The following KCNIP4 variants were observed in gnomAD, a reference collection of about 807,000 sequenced individuals.
The protein encoded by KCNIP4 is Kv channel-interacting protein 4.
A neutral mutation model predicts 34.0 loss-of-function variants in KCNIP4; 12 were observed. That is an observed-to-expected ratio of 0.35 (90% CI 0.23 to 0.57). The LOEUF is 0.57. Among genes scored for constraint, KCNIP4 ranks in the 20% least tolerant of loss-of-function variants. The pLI is 0.83. For missense variants in KCNIP4, 238 were observed against 311.7 expected (o/e 0.76, Z 1.78); for synonymous variants, 124 against 102.2 (o/e 1.21, Z -1.29).
At chr4:21,859,596 T>A (rs55738337) in intron 1 of KCNIP4, among the ~76,000 whole-genome samples, 63 of 150,756 alleles carry the variant, frequency 4.2e-4, no homozygotes, top group South Asian at 2.6e-3. Flanking sequence ...CCACTGCACT[T>A]CAGCCTGGGC....
intron 1 of KCNIP4, among the ~76,000 whole-genome samples, chr4:21,400,569 TCTTCTCTTC>T (rs879405449): frequency 0.034 from 3,302 of 97,880 alleles, 105 homozygotes; most frequent in Middle Eastern, 0.048. Flanking sequence ...TCTTCTCTTC[TCTTCTCTTC>T]GTTCTTTCTT....
chr4:21,674,345 T>C (rs1013935695), intron 1 of KCNIP4, among the ~76,000 whole-genome samples: 10 of 152,190 alleles, frequency 6.6e-5, no homozygotes, highest in Non-Finnish European at 1.3e-4. Flanking sequence ...TCTCTACGTC[T>C]AATCCAAATA....
chr4:21,723,769 A>G (rs948749439), intron 1 of KCNIP4, among the ~76,000 whole-genome samples: 1 of 152,108 alleles, frequency 6.6e-6, no homozygotes, highest in Non-Finnish European at 1.5e-5. Flanking sequence ...TGATATAATA[A>G]ATTTCTCAGG....
At chr4:21,699,808 C>T (rs1321220595) in intron 1 of KCNIP4, among the ~76,000 whole-genome samples, 1 of 152,060 alleles carries the variant, frequency 6.6e-6, no homozygotes, top group Admixed American at 6.6e-5. Flanking sequence ...CAGAAAGCCA[C>T]TCTAGGGAAT....
At chr4:20,956,046 T>C (rs1171134454) in intron 1 of KCNIP4, among the ~76,000 whole-genome samples, 10 of 152,348 alleles carry the variant, frequency 6.6e-5, no homozygotes, top group Admixed American at 2.0e-4. Flanking sequence ...CGCCTATCAC[T>C]TCACACCTAT....
intron 1 of KCNIP4, among the ~76,000 whole-genome samples, chr4:21,498,475 G>A (rs1003634311): frequency 8.6e-5 from 13 of 152,046 alleles, no homozygotes; most frequent in Admixed American, 3.3e-4. Context: ...TATTTTTATT[G>A]AGCCAGAGAA....
intron 1 of KCNIP4, among the ~76,000 whole-genome samples, chr4:21,264,088 T>C (rs1056009382): frequency 2.6e-5 from 4 of 152,172 alleles, no homozygotes; most frequent in African/African-American, 4.8e-5. Context: ...GCTCATGTTC[T>C]TAAACCTCAT....
intron 1 of KCNIP4, among the ~76,000 whole-genome samples, chr4:21,042,028 A>G (rs919647272): frequency 6.6e-6 from 1 of 152,220 alleles, no homozygotes; most frequent in African/African-American, 2.4e-5. Flanking sequence ...GCAAGCAGCC[A>G]GCACAATGCT....
At chr4:21,792,299 A>G (rs1720347389) in intron 1 of KCNIP4, among the ~76,000 whole-genome samples, 1 of 151,976 alleles carries the variant, frequency 6.6e-6, no homozygotes, top group Non-Finnish European at 1.5e-5. Context: ...CAAAATACTA[A>G]CCCAGAACTT....
At chr4:20,881,047 C>G (rs1202405549) in intron 2 of KCNIP4, among the ~76,000 whole-genome samples, 2 of 152,150 alleles carry the variant, frequency 1.3e-5, no homozygotes, top group African/African-American at 4.8e-5. Context: ...GAAGAGCTTT[C>G]TTTGTTTTGT....
At chr4:21,431,024 G>A (rs1726395833) in intron 1 of KCNIP4, among the ~76,000 whole-genome samples, 1 of 152,008 alleles carries the variant, frequency 6.6e-6, no homozygotes, top group Non-Finnish European at 1.5e-5. Flanking sequence ...CTTCTGGTGT[G>A]CATTTCTTAC....
At chr4:20,734,531 CAAA>C in intron 6 of KCNIP4, 94 bp downstream of exon 6, 1 of 606,110 alleles carries the variant, frequency 1.6e-6, no homozygotes. Flanking sequence ...GGAATTTCCT[CAAA>C]AAAACTTTTC....
chr4:21,054,993 A>G (rs1743278404), intron 1 of KCNIP4, among the ~76,000 whole-genome samples: 1 of 152,168 alleles, frequency 6.6e-6, no homozygotes, highest in Non-Finnish European at 1.5e-5. Context: ...ATACACTGCA[A>G]GAAAATATTT....
chr4:21,280,366 T>C (rs1157704325), intron 1 of KCNIP4, among the ~76,000 whole-genome samples: 1 of 152,172 alleles, frequency 6.6e-6, no homozygotes, highest in Non-Finnish European at 1.5e-5. Context: ...TACAGTATTG[T>C]ATTTATTAAA....
chr4:20,888,897 G>T (rs541271262), intron 1 of KCNIP4, among the ~76,000 whole-genome samples: 2 of 152,174 alleles, frequency 1.3e-5, no homozygotes, highest in African/African-American at 4.8e-5. Context: ...TACCATGCCT[G>T]GTTTGTAAAT....
intron 1 of KCNIP4, among the ~76,000 whole-genome samples, chr4:20,883,527 T>C (rs1469862428): frequency 3.3e-5 from 5 of 152,068 alleles, no homozygotes; most frequent in Admixed American, 3.3e-4. Flanking sequence ...CAGCATCAAT[T>C]TACCCACCCT....
At chr4:21,682,781 G>A (rs1019651987) in intron 1 of KCNIP4, among the ~76,000 whole-genome samples, 3 of 152,056 alleles carry the variant, frequency 2.0e-5, no homozygotes, top group African/African-American at 7.2e-5. Context: ...AAAAGACATG[G>A]GGAATAGCTG....
intron 1 of KCNIP4, among the ~76,000 whole-genome samples, chr4:21,198,455 G>A (rs566710468): frequency 6.6e-6 from 1 of 152,182 alleles, no homozygotes; most frequent in Non-Finnish European, 1.5e-5. Context: ...GTGTCACTGT[G>A]TTAGACATGA....
intron 1 of KCNIP4, among the ~76,000 whole-genome samples, chr4:21,395,400 C>T (rs527826740): frequency 6.6e-6 from 1 of 152,216 alleles, no homozygotes; most frequent in Non-Finnish European, 1.5e-5. Flanking sequence ...CCTAAATAAA[C>T]CATCTGTTCT....
Sources: gnomAD v4.1 joint callset for allele counts (sites outside exome capture counted in the v4.1 genomes callset) on GRCh38, gnomAD v4.1.1 for gene constraint, MANE v1.5 for transcripts, NCBI Gene and HGNC (gene_info 2026-07-23, HGNC 2026-07-21) for gene names.